Variants in RAD52 observed in about 807,000 individuals in gnomAD.
RAD52 encodes RAD52 DNA repair protein.
A neutral mutation model predicts 55.5 loss-of-function variants in RAD52; 47 were observed. The observed-to-expected ratio is 0.85, with a 90% CI of 0.67 to 1.08. The LOEUF is 1.08. Among genes scored for constraint, RAD52 ranks in the 50% least tolerant of loss-of-function variants. The pLI is 0.00. For missense variants in RAD52, 468 were observed against 522.8 expected (o/e 0.90, Z 1.02); for synonymous variants, 184 against 198.9 (o/e 0.92, Z 0.63).
chr12:981,991 AG>A, intron 1 of RAD52, among the ~76,000 whole-genome samples: 1 of 152,268 alleles, frequency 6.6e-6, no homozygotes, highest in African/African-American at 2.4e-5. Flanking sequence ...ACTGGATGGC[AG>A]CAGCTTGACT....
chr12:941,593 C>CA (rs1957924247), intron 1 of RAD52, among the ~76,000 whole-genome samples: 1 of 151,570 alleles, frequency 6.6e-6, no homozygotes, highest in Admixed American at 6.6e-5. Context: ...GCTGGGATTA[C>CA]AGGTGTGAGC....
chr12:951,968 A>C (rs781188040), upstream of RAD52, among the ~76,000 whole-genome samples: 126 of 151,836 alleles, frequency 8.3e-4, no homozygotes, highest in Non-Finnish European at 1.6e-3. Flanking sequence ...TTTATGAAAA[A>C]CTTTTTTTTC....
chr12:971,254 T>C lies in RAD52; in HGVS notation c.-19+18555A>G, dbSNP rs185526946. On this transcript the variant is annotated intron_variant, in intron 1 of 11. Transcript: ENST00000430095. ...CCTTTTGTTTTGTTTCATATTATTA[T>C]AGGATACTGAAAACATTGTGGGGAA... 9.7e-4 allele frequency among the ~76,000 whole-genome samples: 147 copies of C among 152,194 alleles called. No homozygotes were observed. The East Asian group carries it at 0.011, about 11-fold the overall frequency.
At chr12:935,380 CTTTTTTTTTT>C (rs34383735) in intron 1 of RAD52, among the ~76,000 whole-genome samples, 1 of 128,498 alleles carries the variant, frequency 7.8e-6, no homozygotes, top group African/African-American at 2.9e-5. Context: ...ACCTGTGAAT[CTTTTTTTTTT>C]TTTTTTTTTG....
chr12:978,890 G>GTAGATAGATAGATAGA lies in RAD52; in HGVS notation c.-19+10903_-19+10918dup, dbSNP rs55957803. On this transcript the variant is annotated intron_variant, in intron 1 of 11. Coordinates refer to the RAD52 transcript ENST00000430095. ...CTCTTAAAAAAAAAGTAGATGATAG[G>GTAGATAGATAGATAGA]TAGATAGATAGATAGATAGATAGAT... Among the ~76,000 whole-genome samples, 150 of 149,520 alleles carry GTAGATAGATAGATAGA rather than the reference G, an allele frequency of 1.0e-3. 1 individual carries two copies. The highest frequency in any genetic ancestry group is 6.8e-3 in the Middle Eastern group (2 of 294).
At chr12:976,744 AAT>A (rs1314686357) in intron 1 of RAD52, 1 of 152,220 alleles carries the variant, frequency 6.6e-6, no homozygotes, top group African/African-American at 2.4e-5. Flanking sequence ...GCTACGATAA[AAT>A]AGAGTTGTTT....
intron 5 of RAD52, 133 bp from the exon 6 acceptor site, chr12:927,396 AG>A (rs11571441): frequency 0.12 from 86,891 of 702,094 alleles, 5,957 homozygotes; most frequent in South Asian, 0.16. Flanking sequence ...CACGGGCAGA[AG>A]GCTGGGTGAG....
intron 1 of RAD52, among the ~76,000 whole-genome samples, chr12:973,672 T>A (rs1381403668): frequency 6.6e-6 from 1 of 150,862 alleles, no homozygotes; most frequent in Non-Finnish European, 1.5e-5. Flanking sequence ...GAGACAGGGG[T>A]CTCACCATAT....
Position 927,137 on chromosome 12 carries a change from G to A in RAD52, c.467+8C>T, listed in dbSNP as rs781679538. ...TGACGCAGGTTAGACTCCCAGCCCC[G>A]CGCTCACCTGAGGGCTCGCTTCAGC... On this transcript the variant is annotated splice_region_variant and intron_variant, in intron 6 of 11. Coordinates refer to ENST00000358495, the MANE Select transcript of RAD52 (RefSeq NM_134424.4). 21 of 1,610,564 alleles carry A rather than the reference G, an allele frequency of 1.3e-5. No individual in the cohort carries two copies. Among genetic ancestry groups the A allele is most frequent in the African/African-American group, 6.7e-5 (5 of 74,832 alleles).
intron 2 of RAD52, among the ~76,000 whole-genome samples, chr12:932,686 C>T (rs375591151): frequency 7.3e-6 from 1 of 137,006 alleles, no homozygotes; most frequent in Admixed American, 7.2e-5. Flanking sequence ...AAATGCCCTC[C>T]AGAGTTCACA....
rs1592346136 is a variant in RAD52 at position 924,049 on chromosome 12, A to G, written c.543+1401T>C. 3.4e-5 allele frequency among the ~76,000 whole-genome samples: 5 copies of G among 145,510 alleles called. No homozygotes were observed. The South Asian group carries it at 1.1e-3, about 33-fold the overall frequency. ...ACTCCAGCCTGGGCGACAGAGTGAG[A>G]CTATCTCAAAAAAAAAAAAAGAAAA... On this transcript the variant is annotated intron_variant, in intron 7 of 11. Coordinates refer to ENST00000358495, the MANE Select transcript of RAD52 (RefSeq NM_134424.4).
upstream of RAD52, chr12:990,153 T>C (rs1200832730): frequency 2.0e-5 from 3 of 152,096 alleles, no homozygotes; most frequent in East Asian, 5.8e-4. Flanking sequence ...TATGAGGCAG[T>C]ATAAAGTGGT....
intron 1 of RAD52, among the ~76,000 whole-genome samples, chr12:971,859 C>T (rs1419298353): frequency 6.6e-6 from 1 of 152,156 alleles, no homozygotes; most frequent in African/African-American, 2.4e-5. Flanking sequence ...CGCCATTCTC[C>T]TGCCTCAGCC....
chr12:949,439 C>T (rs145806926), intron 1 of RAD52, 163 bp downstream of exon 1: 2 of 152,424 alleles, frequency 1.3e-5, no homozygotes, highest in African/African-American at 4.8e-5. Flanking sequence ...CCTCACTGCA[C>T]TGGTGAACTA....
At chr12:939,150 A>T (rs555154222) in intron 1 of RAD52, among the ~76,000 whole-genome samples, 3 of 151,824 alleles carry the variant, frequency 2.0e-5, no homozygotes, top group African/African-American at 7.2e-5. Context: ...GGTGAAGGAT[A>T]TGCAGACATT....
intron 1 of RAD52, among the ~76,000 whole-genome samples, chr12:978,880 T>C (rs987525877): frequency 5.0e-4 from 68 of 136,044 alleles, no homozygotes; most frequent in Non-Finnish European, 8.0e-4. Flanking sequence ...AAAAAAAAAG[T>C]AGATGATAGG....
intron 1 of RAD52, among the ~76,000 whole-genome samples, chr12:935,542 G>A (rs1175273154): frequency 3.3e-5 from 5 of 151,486 alleles, no homozygotes; most frequent in East Asian, 2.0e-4. Flanking sequence ...CACCATGCCC[G>A]GCTAAATTTT....
chr12:926,817 TGAG>T (rs1799817670), intron 6 of RAD52: 1 of 1,536,872 alleles, frequency 6.5e-7, no homozygotes, highest in South Asian at 1.2e-5. Flanking sequence ...GGAGGACTGC[TGAG>T]GAGCACGGAG....
At chr12:958,555 C>A (rs1958641480) in intron 1 of RAD52, among the ~76,000 whole-genome samples, 1 of 152,206 alleles carries the variant, frequency 6.6e-6, no homozygotes, top group Non-Finnish European at 1.5e-5. Flanking sequence ...GAGAAGAAAA[C>A]ATAGCCTCAC....
Sources: gnomAD v4.1 joint callset for allele counts (sites outside exome capture counted in the v4.1 genomes callset) on GRCh38, gnomAD v4.1.1 for gene constraint, MANE v1.5 for transcripts, NCBI Gene and HGNC (gene_info 2026-07-23, HGNC 2026-07-21) for gene names.